PPM1L: variants seen among roughly 807,000 people sequenced by gnomAD.
PPM1L encodes protein phosphatase 1L.
A neutral mutation model predicts 31.4 loss-of-function variants in PPM1L; 13 were observed. The ratio of observed to expected loss-of-function variants is 0.41; its 90% CI spans 0.27 to 0.66. The LOEUF is 0.66. Among genes scored for constraint, PPM1L ranks in the 30% least tolerant of loss-of-function variants. PPM1L has a pLI of 0.29. For missense variants in PPM1L, 326 were observed against 453.7 expected, an observed-to-expected ratio of 0.72 and a Z score of 2.56; for synonymous variants, 184 against 175.4, an observed-to-expected ratio of 1.05 and a Z score of -0.39.
intron 2 of PPM1L, among the ~76,000 whole-genome samples, chr3:160,978,472 T>C (rs1716679191): frequency 6.6e-6 from 1 of 152,108 alleles, no homozygotes; most frequent in South Asian, 2.1e-4. Context: ...ACAAATAAAA[T>C]CTTAACTTCA....
intron 1 of PPM1L, among the ~76,000 whole-genome samples, chr3:160,852,535 T>G (rs1711558314): frequency 6.6e-6 from 1 of 152,182 alleles, no homozygotes; most frequent in Non-Finnish European, 1.5e-5. Flanking sequence ...GGTTGGTAAT[T>G]TTATCTTGAC....
intron 2 of PPM1L, among the ~76,000 whole-genome samples, chr3:160,980,531 G>A (rs151146818): frequency 0.011 from 1,613 of 151,832 alleles, 32 homozygotes; most frequent in African/African-American, 0.037. Context: ...AGCTGGACAC[G>A]GTGGCATGCA....
At chr3:160,977,939 A>T (rs184711498) in intron 2 of PPM1L, among the ~76,000 whole-genome samples, 1 of 152,292 alleles carries the variant, frequency 6.6e-6, no homozygotes, top group African/African-American at 2.4e-5. Flanking sequence ...CTTCCTGTGT[A>T]TGGGACATTG....
chr3:160,953,606 G>A (rs536762309), intron 1 of PPM1L, among the ~76,000 whole-genome samples: 12 of 152,130 alleles, frequency 7.9e-5, no homozygotes, highest in African/African-American at 2.2e-4. Context: ...TTCTAATGGC[G>A]GTTCTATTAG....
intron 1 of PPM1L, among the ~76,000 whole-genome samples, chr3:160,783,328 G>C (rs1000278504): frequency 6.6e-6 from 1 of 152,080 alleles, no homozygotes; most frequent in South Asian, 2.1e-4. Context: ...GGCTGGGTGC[G>C]GTGGCTCACG....
intron 1 of PPM1L, among the ~76,000 whole-genome samples, chr3:160,846,184 C>T (rs1241359443): frequency 6.6e-6 from 1 of 152,014 alleles, no homozygotes; most frequent in Non-Finnish European, 1.5e-5. Flanking sequence ...TGTACTATAA[C>T]AAAAAAACTT....
chr3:160,873,540 A>AATT (rs60234661), intron 1 of PPM1L, among the ~76,000 whole-genome samples: 11,726 of 150,688 alleles, frequency 0.078, 576 homozygotes, highest in African/African-American at 0.13. Context: ...GCTCTAGTAG[A>AATT]ATTATTATTA....
chr3:160,927,369 G>A (rs551860852), intron 1 of PPM1L, among the ~76,000 whole-genome samples: 30 of 152,248 alleles, frequency 2.0e-4, no homozygotes, highest in Non-Finnish European at 3.8e-4. Context: ...AAAATAGGGA[G>A]CAATCATAAA....
rs1272024959 is a variant in PPM1L, at chr3:161,075,480, T to C, written c.*6323T>C. The C allele has an allele frequency of 6.6e-6, 1 of 152,230 alleles. No homozygotes were observed. The highest frequency in any genetic ancestry group is 1.5e-5 in the Non-Finnish European group (1 of 68,036). 9.4% of individuals were successfully genotyped at this position (152,230 alleles called of 1,614,324 possible). A position where few individuals can be genotyped will look rare whatever the true frequency, so the allele number is the denominator to read the frequency against. ...TTAGAGTATTGGTTAATGCTTTGCT[T>C]ATTTGTTAATGAAGACAGCATTTTA... is the stretch of plus-strand genomic sequence containing the variant. On this transcript the variant is annotated 3_prime_UTR_variant, in exon 4 of 4. Transcript: ENST00000498165.
intron 1 of PPM1L, among the ~76,000 whole-genome samples, chr3:160,868,748 A>C (rs1345619319): frequency 6.6e-6 from 1 of 151,562 alleles, no homozygotes; most frequent in Non-Finnish European, 1.5e-5. Context: ...GTAGAAAGCG[A>C]TCTGTATTTT....
At chr3:161,034,625 A>T (rs1269138479) in intron 2 of PPM1L, among the ~76,000 whole-genome samples, 2 of 151,906 alleles carry the variant, frequency 1.3e-5, no homozygotes, top group Non-Finnish European at 2.9e-5. Context: ...TCTCATTTAT[A>T]AGTGGGAGTC....
chr3:160,853,849 G>A (rs1051491372), intron 1 of PPM1L, among the ~76,000 whole-genome samples: 4 of 152,112 alleles, frequency 2.6e-5, no homozygotes, highest in Non-Finnish European at 5.9e-5. Flanking sequence ...ATTCATTTTT[G>A]CAGATGTCAA....
rs1720174986 is a variant in PPM1L, at chr3:161,078,345, T to C, written c.*9188T>C. 6.6e-6 allele frequency: 1 copy of C among 152,230 alleles called. No homozygotes were observed. The highest frequency in any genetic ancestry group is 1.5e-5 in the Non-Finnish European group (1 of 68,036). The allele number at this position is 152,230 out of a possible 1,614,324, so 9.4% of individuals were successfully genotyped here. The stretch of plus-strand genomic sequence containing the variant: ...GCTTTTATTTATACCTATTTCAACA[T>C]CATGAAAATTTTTCCATCAGCATTT... On this transcript the variant is annotated 3_prime_UTR_variant, in exon 4 of 4. Transcript: ENST00000498165.
intron 1 of PPM1L, among the ~76,000 whole-genome samples, chr3:160,783,753 GTCTC>G (rs1367818081): frequency 1.3e-5 from 2 of 152,148 alleles, no homozygotes; most frequent in Non-Finnish European, 2.9e-5. Context: ...GATGTTAAAT[GTCTC>G]TCTATTTCTC....
At chr3:160,876,659 C>T (rs1712522688) in intron 1 of PPM1L, among the ~76,000 whole-genome samples, 1 of 152,142 alleles carries the variant, frequency 6.6e-6, no homozygotes, top group Admixed American at 6.5e-5. Context: ...AACAATGGGC[C>T]TCTGGAAACT....
chr3:160,931,869 A>T (rs994872703), intron 1 of PPM1L, among the ~76,000 whole-genome samples: 3 of 152,234 alleles, frequency 2.0e-5, no homozygotes, highest in African/African-American at 7.2e-5. Context: ...TACTTTGAGA[A>T]ACATCACTGT....
intron 1 of PPM1L, among the ~76,000 whole-genome samples, chr3:160,911,022 G>C (rs1380516865): frequency 2.6e-5 from 4 of 152,194 alleles, no homozygotes; most frequent in Non-Finnish European, 5.9e-5. Flanking sequence ...GACCAAACAA[G>C]ATAGGTTAGC....
At chr3:160,929,132 C>T (rs1375155520) in intron 1 of PPM1L, among the ~76,000 whole-genome samples, 1 of 151,924 alleles carries the variant, frequency 6.6e-6, no homozygotes, top group African/African-American at 2.4e-5. Context: ...TTGAAAAAAA[C>T]AAGATTCAAG....
At chr3:160,764,875 C>T (rs1333302433) in intron 1 of PPM1L, among the ~76,000 whole-genome samples, 1 of 152,004 alleles carries the variant, frequency 6.6e-6, no homozygotes, top group Non-Finnish European at 1.5e-5. Flanking sequence ...TATTTGTATA[C>T]ACTTAGGCTC....
Sources: gnomAD v4.1 joint callset for allele counts (sites outside exome capture counted in the v4.1 genomes callset) on GRCh38, gnomAD v4.1.1 for gene constraint, MANE v1.5 for transcripts, NCBI Gene and HGNC (gene_info 2026-07-23, HGNC 2026-07-21) for gene names.